The following DENND4A variants were observed in gnomAD, a reference collection of about 807,000 sequenced individuals.
DENND4A encodes DENN domain containing 4A.
In DENND4A, 70 loss-of-function variants were observed where a neutral mutation model predicts 199.3. The observed-to-expected ratio is 0.35, with a 90% confidence interval of 0.29 to 0.43. DENND4A has a LOEUF of 0.43. DENND4A is among the 20% of genes least tolerant of loss of function. The pLI is 1.00. For missense variants in DENND4A, 1,723 were observed against 2,255.8 expected, an observed-to-expected ratio of 0.76 and a Z score of 4.78; for synonymous variants, 686 against 766.9, an observed-to-expected ratio of 0.89 and a Z score of 1.74.
At chr15:65,708,489 T>C (rs911219537) in intron 14 of DENND4A, among the ~76,000 whole-genome samples, 2 of 152,314 alleles carry the variant, frequency 1.3e-5, no homozygotes, top group East Asian at 1.9e-4. Context: ...GTAGACTCAA[T>C]AGCTTGGTAA....
intron 1 of DENND4A, among the ~76,000 whole-genome samples, chr15:65,775,307 C>T (rs1043596558): frequency 2.0e-5 from 3 of 151,996 alleles, no homozygotes; most frequent in Non-Finnish European, 4.4e-5. Context: ...GATCACACCA[C>T]TGCACTCCAG....
chr15:65,662,037 G>A, intron 32 of DENND4A, 50 bp from the exon 33 acceptor site: 1 of 1,486,886 alleles, frequency 6.7e-7, no homozygotes, highest in Admixed American at 2.0e-5. Context: ...TAGGTCTGAT[G>A]TTGAAAACTA....
At chr15:65,769,733 C>G (rs1231262846) in intron 1 of DENND4A, among the ~76,000 whole-genome samples, 1 of 151,838 alleles carries the variant, frequency 6.6e-6, no homozygotes, top group African/African-American at 2.4e-5. Context: ...CAACAGATGC[C>G]ATAAATTAAC....
At chr15:65,711,974 T>A (rs2075264901) in intron 14 of DENND4A, among the ~76,000 whole-genome samples, 1 of 152,038 alleles carries the variant, frequency 6.6e-6, no homozygotes, top group Admixed American at 6.5e-5. Flanking sequence ...CTTATAAAAA[T>A]TTAACACGTA....
intron 14 of DENND4A, among the ~76,000 whole-genome samples, chr15:65,709,321 T>G (rs2142288305): frequency 6.6e-6 from 1 of 152,324 alleles, no homozygotes; most frequent in East Asian, 1.9e-4. Context: ...GTAACAGCAT[T>G]GTATAATTAT....
intron 2 of DENND4A, among the ~76,000 whole-genome samples, chr15:65,757,761 T>C (rs1445163866): frequency 6.6e-6 from 1 of 152,140 alleles, no homozygotes; most frequent in East Asian, 1.9e-4. Context: ...GGAGGGCAGA[T>C]TACCTGAGGT....
At chr15:65,713,105 C>T (rs768969843) in intron 14 of DENND4A, among the ~76,000 whole-genome samples, 3 of 152,160 alleles carry the variant, frequency 2.0e-5, no homozygotes, top group Non-Finnish European at 2.9e-5. Context: ...ATTACTACTA[C>T]ATACTCCTCA....
chr15:65,664,776 AAG>A (rs2075981642), intron 30 of DENND4A, 54 bp from the exon 31 acceptor site: 3 of 1,450,742 alleles, frequency 2.1e-6, no homozygotes, highest in Non-Finnish European at 2.8e-6. Flanking sequence ...AGAAAGGAGA[AAG>A]AAATTAAGCA....
intron 23 of DENND4A, among the ~76,000 whole-genome samples, chr15:65,681,756 C>A (rs1246579938): frequency 6.6e-6 from 1 of 151,832 alleles, no homozygotes; most frequent in African/African-American, 2.4e-5. Flanking sequence ...TTTGTAGAGA[C>A]AGGGTTTTGC....
chr15:65,738,644 A>AT (rs1461357598), intron 6 of DENND4A, 62 bp downstream of exon 6: 1 of 1,435,468 alleles, frequency 7.0e-7, no homozygotes, highest in East Asian at 2.3e-5. Flanking sequence ...TATTCCTTGC[A>AT]TTATAGAAAA....
chr15:65,666,910 GTTTAA>G (rs1268684393), intron 29 of DENND4A, among the ~76,000 whole-genome samples: 1 of 151,384 alleles, frequency 6.6e-6, no homozygotes, highest in Non-Finnish European at 1.5e-5. Flanking sequence ...ATTCAAGTAC[GTTTAA>G]TGTAAATTTT....
chr15:65,701,223 A>G, intron 18 of DENND4A, 31 bp from the exon 19 acceptor site: 1 of 1,472,848 alleles, frequency 6.8e-7, no homozygotes. Context: ...AATAATTAGT[A>G]AAATAATTTT....
rs577003891 is a variant in DENND4A, at chr15:65,672,036, A to G, written c.4370-150T>C. Reference sequence around the variant, plus strand: ...AATTAGGAAAAACAAATAAATAATGAACAAGATTTTTTCAAGGCATGAAGT... The same window carrying G: ...AATTAGGAAAAACAAATAAATAATGGACAAGATTTTTTCAAGGCATGAAGT... On this transcript the variant is annotated intron_variant, in intron 24 of 32. Coordinates refer to ENST00000443035, the MANE Select transcript of DENND4A (RefSeq NM_001320835.1). The G allele has an allele frequency of 7.8e-5, 48 of 618,424 alleles. 1 individual carries two copies. In the South Asian group the frequency reaches 9.3e-4, roughly 12 times the overall value. The allele number at this position is 618,424 out of a possible 1,614,324, so 38.3% of individuals were successfully genotyped here.
intron 23 of DENND4A, chr15:65,680,982 G>GT (rs2076553667): frequency 6.6e-6 from 1 of 152,214 alleles, no homozygotes; most frequent in Non-Finnish European, 1.5e-5. Context: ...GGCTGCTGAA[G>GT]GTTGAGTGGC....
chr15:65,776,381 A>T (rs1442107313), intron 1 of DENND4A, among the ~76,000 whole-genome samples: 2 of 152,158 alleles, frequency 1.3e-5, no homozygotes, highest in East Asian at 1.9e-4. Context: ...TTTTTTACTT[A>T]AAAAAGGGAG....
chr15:65,722,650 G>A (rs1263863102), intron 12 of DENND4A, among the ~76,000 whole-genome samples, 198 bp downstream of exon 12: 8 of 137,886 alleles, frequency 5.8e-5, no homozygotes, highest in East Asian at 3.8e-4. Flanking sequence ...GCGAGACTCC[G>A]TCTCGAAAAA....
chr15:65,700,528 A>C lies in DENND4A; in HGVS notation c.2833+16T>G, dbSNP rs1281817493. 1.4e-6 allele frequency: 2 copies of C among 1,408,416 alleles called. No homozygotes were observed. Among genetic ancestry groups the C allele is most frequent in the Non-Finnish European group, 1.9e-6 (2 of 1,069,574 alleles). The allele number at this position is 1,408,416 out of a possible 1,614,324, so 87.2% of individuals were successfully genotyped here. ...AAAATGTACTATAATAAATGTATAC[A>C]TAAGCATACACAAACCTGTACTAGA... On this transcript the variant is annotated intron_variant, in intron 20 of 32. Transcript: ENST00000443035.
At chr15:65,745,120 G>A (rs895962703) in intron 4 of DENND4A, among the ~76,000 whole-genome samples, 4 of 152,098 alleles carry the variant, frequency 2.6e-5, no homozygotes, top group African/African-American at 9.7e-5. Flanking sequence ...AGCACTATAT[G>A]ATCATTTAAT....
intron 1 of DENND4A, among the ~76,000 whole-genome samples, chr15:65,789,924 G>A (rs1426596380): frequency 6.6e-6 from 1 of 152,164 alleles, no homozygotes; most frequent in Non-Finnish European, 1.5e-5. Context: ...GGGAGGCCAA[G>A]GCGGGCAGAT....
Sources: allele counts gnomAD v4.1 joint callset (sites outside exome capture counted in the v4.1 genomes callset), GRCh38; gene constraint gnomAD v4.1.1; transcripts MANE v1.5; gene names NCBI Gene and HGNC (gene_info 2026-07-23, HGNC 2026-07-21).